Variants in ZNF559 observed in about 807,000 individuals in gnomAD.
ZNF559 encodes the protein zinc finger protein 559, also known as putative protein product of Nbla00121.
In ZNF559, 17 loss-of-function variants were observed where a neutral mutation model predicts 14.2. The observed-to-expected ratio is 1.20, with a 90% CI of 0.82 to 1.80. The LOEUF is 1.80. Ranked by LOEUF, ZNF559 falls within the 40% of genes most tolerant of loss-of-function variation. ZNF559 has a pLI of 0.00. For missense variants in ZNF559, 740 were observed against 629.7 expected (o/e 1.18, Z -1.88); for synonymous variants, 244 against 212.4 (o/e 1.15, Z -1.29).
chr19:9,327,855 G>A (rs1345264624), intron 2 of ZNF559, among the ~76,000 whole-genome samples: 2 of 151,932 alleles, frequency 1.3e-5, no homozygotes, highest in Admixed American at 6.6e-5. Flanking sequence ...ATTTGGCTCT[G>A]TGTCTTGTGA....
At chr19:9,337,365 C>T (rs545002265) in intron 2 of ZNF559, among the ~76,000 whole-genome samples, 44 of 152,302 alleles carry the variant, frequency 2.9e-4, no homozygotes, top group South Asian at 8.3e-4. Flanking sequence ...GAAGATATTC[C>T]ATAAGCTAAA....
At chr19:9,324,833 A>C in intron 2 of ZNF559, 53 bp downstream of exon 2, 1 of 1,463,642 alleles carries the variant, frequency 6.8e-7, no homozygotes, top group Non-Finnish European at 9.2e-7. Flanking sequence ...TTGAAGTTTA[A>C]GTTGTGTCGA....
rs745350327 is a variant in ZNF559, at chr19:9,339,198, A to G, written c.39A>G (p.Ser13=). ...AGWLTNYSQD[S]VTFEDVAVDF... is the part of the protein sequence containing the mutation. ...GCATGTGTGTGATGGTTTAGGACTC[A>G]GTGACCTTTGAGGATGTGGCTGTGG... Residue 13 remains serine, a synonymous_variant, in exon 5 of 7, where the codon TCA becomes TCG. Coordinates refer to ENST00000603380, the MANE Select transcript of ZNF559 (RefSeq NM_032497.3). The G allele has an allele frequency of 2.5e-6, 4 of 1,613,838 alleles. No individual in the cohort carries two copies. The highest frequency in any genetic ancestry group is 3.4e-6 in the Non-Finnish European group (4 of 1,179,808).
upstream of ZNF559, chr19:9,323,827 G>T (rs113360832): frequency 6.1e-5 from 19 of 309,938 alleles, no homozygotes; most frequent in African/African-American, 4.0e-4. Context: ...GAGGTATTGG[G>T]ACTCATGAAG....
At chr19:9,325,410 C>A (rs1444677783) in intron 2 of ZNF559, among the ~76,000 whole-genome samples, 1 of 151,774 alleles carries the variant, frequency 6.6e-6, no homozygotes, top group Non-Finnish European at 1.5e-5. Context: ...TCACTGCATT[C>A]CAGCTTAGGC....
At chr19:9,326,205 G>A (rs1018544959) in intron 2 of ZNF559, among the ~76,000 whole-genome samples, 2 of 140,136 alleles carry the variant, frequency 1.4e-5, no homozygotes, top group East Asian at 2.2e-4. Context: ...TGCCTCCTGC[G>A]TTCAAGCGAT....
In ZNF559 at chr19:9,342,471, T is replaced by TA. The variant is rs1428842406; in HGVS notation, c.1021dup (p.Ile341AsnfsTer14). ...AAGCCTTCACTGATTCATCAGGTCTTATAAAACACAGGCGAACTCACACTG... is the reference window on the plus strand; with the variant it reads ...AAGCCTTCACTGATTCATCAGGTCTTAATAAAACACAGGCGAACTCACACTG... On this transcript the variant is annotated frameshift_variant, in exon 7 of 7. Coordinates refer to ENST00000603380, the MANE Select transcript of ZNF559 (RefSeq NM_032497.3). LOFTEE classifies it low-confidence loss of function (END_TRUNC). 6.2e-7 allele frequency: 1 copy of TA among 1,614,146 alleles called. No individual in the cohort carries two copies. Among genetic ancestry groups the TA allele is most frequent in the Admixed American group, 1.7e-5 (1 of 60,030 alleles).
At chr19:9,324,405 G>T in intron 1 of ZNF559, 177 bp downstream of exon 1, 1 of 1,471,100 alleles carries the variant, frequency 6.8e-7, no homozygotes, top group Non-Finnish European at 9.0e-7. Context: ...CCACAGTCAG[G>T]TCTGTCCTCA....
At chr19:9,339,164 C>T in intron 4 of ZNF559, 29 bp from the exon 5 acceptor site, 2 of 1,612,592 alleles carry the variant, frequency 1.2e-6, no homozygotes, top group Non-Finnish European at 1.7e-6. Flanking sequence ...ACGTACTTGC[C>T]TGACGCCAGC....
intron 2 of ZNF559, 65 bp from the exon 3 acceptor site, chr19:9,337,728 GTTA>G (rs1325402500): frequency 3.5e-5 from 42 of 1,185,590 alleles, no homozygotes; most frequent in East Asian, 6.1e-5. Flanking sequence ...AACGGGATTT[GTTA>G]TTATTTATGT....
At chr19:9,340,355 G>A (rs896540952) in intron 5 of ZNF559, among the ~76,000 whole-genome samples, 1 of 151,800 alleles carries the variant, frequency 6.6e-6, no homozygotes, top group Non-Finnish European at 1.5e-5. Flanking sequence ...AGGTTCCTTG[G>A]GTACCTTAAC....
intron 2 of ZNF559, among the ~76,000 whole-genome samples, chr19:9,328,765 G>C (rs1054683379): frequency 6.6e-6 from 1 of 152,082 alleles, no homozygotes; most frequent in Admixed American, 6.5e-5. Flanking sequence ...ACACGGTGTC[G>C]CATTTCCTTG....
At position 9,342,632 on chromosome 19, in the gene ZNF559, C is replaced by T. The variant is rs375279392; in HGVS notation, c.1181C>T (p.Ser394Phe). ...KECGKAFINS[S>F]SFKSHMQTHP... The stretch of plus-strand genomic sequence containing the variant: ...TGTGGAAAAGCCTTTATTAATTCCT[C>T]TTCCTTTAAAAGTCACATGCAGACT... The change falls in exon 7 of 7, where the codon TCT becomes TTT. Residue 394 changes from serine (S) to phenylalanine (F), a missense_variant. Transcript: ENST00000603380. 1.2e-5 allele frequency: 19 copies of T among 1,613,980 alleles called. No homozygotes were observed. In the African/African-American group the frequency reaches 2.1e-4, roughly 18 times the overall value.
At position 9,339,854 on chromosome 19, in the gene ZNF559, C is replaced by T. The variant is rs558920113; in HGVS notation, c.160+535C>T. 1.6e-4 allele frequency among the ~76,000 whole-genome samples: 24 copies of T among 150,716 alleles called. No individual in the cohort carries two copies. The East Asian group carries it at 4.3e-3, about 27-fold the overall frequency. On this transcript the variant is annotated intron_variant, in intron 5 of 6. Transcript: ENST00000603380. ...CGTGATCTTGGCTCACTGCAAGCTC[C>T]GCCTCCCGGGTTCACACCAGTCTCC...
intron 2 of ZNF559, among the ~76,000 whole-genome samples, chr19:9,334,251 A>C (rs1443119030): frequency 6.6e-6 from 1 of 152,262 alleles, no homozygotes; most frequent in Non-Finnish European, 1.5e-5. Context: ...TTTGGATTTC[A>C]GATTTCTTCA....
At chr19:9,325,750 C>T (rs1352267652) in intron 2 of ZNF559, among the ~76,000 whole-genome samples, 1 of 149,256 alleles carries the variant, frequency 6.7e-6, no homozygotes, top group Admixed American at 6.7e-5. Context: ...TGCACCCTTG[C>T]ATTCCAGCCT....
At chr19:9,336,918 G>A (rs2067271014) in intron 2 of ZNF559, among the ~76,000 whole-genome samples, 1 of 152,132 alleles carries the variant, frequency 6.6e-6, no homozygotes, top group African/African-American at 2.4e-5. Context: ...AGCACTCACA[G>A]GACTCAGAAG....
At chr19:9,324,294 G>A in intron 1 of ZNF559, 66 bp downstream of exon 1, 2 of 1,535,868 alleles carry the variant, frequency 1.3e-6, no homozygotes, top group Non-Finnish European at 8.7e-7. Flanking sequence ...GTAGAAGGGT[G>A]GAAAGGGGAG....
At chr19:9,328,055 A>G (rs76221636) in intron 2 of ZNF559, among the ~76,000 whole-genome samples, 1 of 152,186 alleles carries the variant, frequency 6.6e-6, no homozygotes, top group Non-Finnish European at 1.5e-5. Flanking sequence ...CTTACATCAT[A>G]CATTTATACT....
Sources: gnomAD v4.1 joint callset for allele counts (sites outside exome capture counted in the v4.1 genomes callset) on GRCh38, gnomAD v4.1.1 for gene constraint, MANE v1.5 for transcripts, NCBI Gene and HGNC (gene_info 2026-07-23, HGNC 2026-07-21) for gene names.